LRBA: variants seen among roughly 807,000 people sequenced by gnomAD.
LRBA encodes the protein lipopolysaccharide-responsive and beige-like anchor protein.
Under a neutral mutation model 330.0 loss-of-function variants are expected in LRBA, and 176 were observed. That is an observed-to-expected ratio of 0.53 (90% CI 0.47 to 0.60). LRBA has a LOEUF of 0.60. Ranked by LOEUF, LRBA falls within the 20% of genes least tolerant of loss-of-function variation. LRBA has a pLI of 0.00. For synonymous variants in LRBA, 1,230 were observed against 1,193.0 expected (o/e 1.03, Z -0.64); for missense variants, 3,259 against 3,444.8 (o/e 0.95, Z 1.35).
intron 48 of LRBA, among the ~76,000 whole-genome samples, chr4:150,340,127 A>C (rs1310921537): frequency 2.6e-5 from 4 of 152,090 alleles, no homozygotes; most frequent in Admixed American, 6.6e-5. Context: ...CATGGCTGTA[A>C]GTTCCCTGAG....
intron 17 of LRBA, among the ~76,000 whole-genome samples, chr4:150,880,807 A>C (rs1218756286): frequency 3.9e-5 from 6 of 152,216 alleles, no homozygotes; most frequent in African/African-American, 1.4e-4. Flanking sequence ...CAAAGGTCTA[A>C]TATCCAGAAT....
chr4:150,690,754 A>G (rs896272945), intron 36 of LRBA, among the ~76,000 whole-genome samples: 2 of 152,066 alleles, frequency 1.3e-5, no homozygotes, highest in Non-Finnish European at 2.9e-5. Flanking sequence ...GATCAAGGAT[A>G]TAAATCTAGA....
At chr4:150,810,648 C>G (rs1743586791) in intron 31 of LRBA, among the ~76,000 whole-genome samples, 1 of 152,188 alleles carries the variant, frequency 6.6e-6, no homozygotes, top group African/African-American at 2.4e-5. Context: ...CTCACCCAGG[C>G]TGGAGTGCAG....
chr4:150,358,799 T>G (rs1738246989), intron 47 of LRBA, among the ~76,000 whole-genome samples: 1 of 152,266 alleles, frequency 6.6e-6, no homozygotes, highest in South Asian at 2.1e-4. Flanking sequence ...TAAAAAAAAT[T>G]TAATCCCTTC....
chr4:150,356,215 G>A (rs540340990), intron 47 of LRBA, among the ~76,000 whole-genome samples: 1 of 152,098 alleles, frequency 6.6e-6, no homozygotes, highest in South Asian at 2.1e-4. Context: ...GATTTTGATT[G>A]AATATGTGGA....
chr4:150,805,547 A>AG (rs1491370909), intron 33 of LRBA, among the ~76,000 whole-genome samples: 6 of 13,988 alleles, frequency 4.3e-4, no homozygotes, highest in Non-Finnish European at 8.2e-4. Context: ...AGGGAGAAGG[A>AG]AAGGAAAGGA....
At chr4:150,533,040 A>T (rs1764214378) in intron 40 of LRBA, among the ~76,000 whole-genome samples, 1 of 152,222 alleles carries the variant, frequency 6.6e-6, no homozygotes. Context: ...ACTTAACCAG[A>T]TAATCAAGGC....
chr4:150,735,760 A>T (rs2127143750), intron 35 of LRBA, among the ~76,000 whole-genome samples: 1 of 152,356 alleles, frequency 6.6e-6, no homozygotes, highest in Non-Finnish European at 1.5e-5. Flanking sequence ...AAGTGAGAAC[A>T]GAAAAGCTAC....
intron 17 of LRBA, among the ~76,000 whole-genome samples, chr4:150,877,781 C>G (rs917284656): frequency 5.3e-5 from 8 of 152,152 alleles, no homozygotes; most frequent in African/African-American, 1.7e-4. Flanking sequence ...CATGCTTCGC[C>G]ATAAAGAAAG....
intron 37 of LRBA, among the ~76,000 whole-genome samples, chr4:150,640,793 T>A (rs897799378): frequency 6.6e-6 from 1 of 151,984 alleles, no homozygotes. Flanking sequence ...GCTTTTCCTT[T>A]AAAAAAAATT....
intron 54 of LRBA, among the ~76,000 whole-genome samples, chr4:150,283,221 C>A (rs1299798600): frequency 6.6e-6 from 1 of 152,096 alleles, no homozygotes; most frequent in Non-Finnish European, 1.5e-5. Flanking sequence ...ACACAGGAAC[C>A]CTTCGGCCAC....
At chr4:150,333,498 CT>C (rs147546619) in intron 48 of LRBA, among the ~76,000 whole-genome samples, 5,068 of 152,122 alleles carry the variant, frequency 0.033, 161 homozygotes, top group Non-Finnish European at 0.045. Flanking sequence ...TCTAATCCAC[CT>C]CTTTACCAAG....
chr4:150,799,890 G>C (rs905208347), intron 33 of LRBA, among the ~76,000 whole-genome samples: 1 of 151,996 alleles, frequency 6.6e-6, no homozygotes, highest in Non-Finnish European at 1.5e-5. Flanking sequence ...AATTACAGGC[G>C]CCCACCACCA....
chr4:150,629,708 G>A (rs189608289), intron 37 of LRBA, among the ~76,000 whole-genome samples: 13 of 152,006 alleles, frequency 8.6e-5, no homozygotes, highest in African/African-American at 2.7e-4. Flanking sequence ...GGTGGCTCAC[G>A]CCTGTAATCC....
At chr4:150,857,366 C>T (rs980222567) in intron 22 of LRBA, among the ~76,000 whole-genome samples, 2 of 152,040 alleles carry the variant, frequency 1.3e-5, no homozygotes, top group Non-Finnish European at 2.9e-5. Context: ...GTAGTACAAT[C>T]CCCATTTATA....
At chr4:150,737,983 CTTTTTTTTTTTTT>C (rs774453122) in intron 35 of LRBA, among the ~76,000 whole-genome samples, 1 of 112,170 alleles carries the variant, frequency 8.9e-6, no homozygotes, top group African/African-American at 3.6e-5. Context: ...TTCTCTGAAT[CTTTTTTTTTTTTT>C]TTTTTTTTTT....
At chr4:150,556,566 G>T (rs1767342878) in intron 40 of LRBA, among the ~76,000 whole-genome samples, 1 of 152,132 alleles carries the variant, frequency 6.6e-6, no homozygotes, top group African/African-American at 2.4e-5. Flanking sequence ...TTATTTTAGT[G>T]CCATAACTCC....
At chr4:150,662,509 A>G (rs1581972369) in intron 37 of LRBA, among the ~76,000 whole-genome samples, 1 of 152,348 alleles carries the variant, frequency 6.6e-6, no homozygotes, top group East Asian at 1.9e-4. Flanking sequence ...GAAATTTTTT[A>G]AAAGCTTCCT....
intron 40 of LRBA, among the ~76,000 whole-genome samples, chr4:150,534,413 A>G (rs952520623): frequency 6.6e-6 from 1 of 150,942 alleles, no homozygotes; most frequent in Admixed American, 6.6e-5. Flanking sequence ...TACATCATCC[A>G]GTATTCCTAA....
Sources: allele counts gnomAD v4.1 joint callset (sites outside exome capture counted in the v4.1 genomes callset), GRCh38; gene constraint gnomAD v4.1.1; transcripts MANE v1.5; gene names NCBI Gene and HGNC (gene_info 2026-07-23, HGNC 2026-07-21).